The following AHCYL2 variants were observed in gnomAD, a reference collection of about 807,000 sequenced individuals.
The protein encoded by AHCYL2 is adenosylhomocysteinase like 2, also known as S-adenosylhomocysteine hydrolase-like protein 2.
AHCYL2 carries 28 observed loss-of-function variants against 81.4 expected under a neutral mutation model. The observed-to-expected ratio is 0.34, with a 90% CI of 0.25 to 0.47. AHCYL2 has a LOEUF of 0.47. Among genes scored for constraint, AHCYL2 ranks in the 20% least tolerant of loss-of-function variants. The pLI is 1.00. For missense variants in AHCYL2, 551 were observed against 785.1 expected, an observed-to-expected ratio of 0.70 and a Z score of 3.56; for synonymous variants, 272 against 290.2, an observed-to-expected ratio of 0.94 and a Z score of 0.64.
chr7:129,407,308 T>C (rs1027279665), intron 10 of AHCYL2, among the ~76,000 whole-genome samples: 1 of 152,214 alleles, frequency 6.6e-6, no homozygotes, highest in African/African-American at 2.4e-5. Flanking sequence ...GTTGTGATTA[T>C]GCCACTACGC....
chr7:129,225,219 G>C lies in AHCYL2; in HGVS notation c.143G>C (p.Gly48Ala), dbSNP rs1024092909. 4 of 1,526,852 alleles carry C rather than the reference G, an allele frequency of 2.6e-6. No homozygotes were observed. Among genetic ancestry groups the C allele is most frequent in the Non-Finnish European group, 3.5e-6 (4 of 1,143,130 alleles). The allele number at this position is 1,526,852 out of a possible 1,614,324, so 94.6% of individuals were successfully genotyped here. ...GCCATGGCCCCCCCGGCGGGCGGTGGAGACCCTGAGGCTCCAGCTCCCGCC... is the reference window on the plus strand; with the variant it reads ...GCCATGGCCCCCCCGGCGGGCGGTGCAGACCCTGAGGCTCCAGCTCCCGCC... ...VGAMAPPAGG[G>A]DPEAPAPAAE... Residue 48 changes from glycine (G) to alanine (A), a missense_variant, in exon 1 of 17, where the codon GGA becomes GCA. Gly to Ala is a moderately conservative substitution (Grantham distance 60, BLOSUM62 0). This residue lies in a region of AHCYL2 where 235 missense variants were observed against 242.1 expected (regional missense o/e 0.97). Coordinates refer to ENST00000325006, the MANE Select transcript of AHCYL2 (RefSeq NM_015328.4).
Position 129,426,958 on chromosome 7 carries a change from A to G in AHCYL2, c.1830-81A>G. On this transcript the variant is annotated intron_variant, in intron 16 of 16. Coordinates refer to ENST00000325006, the MANE Select transcript of AHCYL2 (RefSeq NM_015328.4). The surrounding 1 kb of genome is among the most constrained non-coding windows in gnomAD (Gnocchi z 4.3). ...CCAGAAAAGTCTCTGCCTCCCTGTT[A>G]CACCTTTAGGCAGGCTCTTCATGTC... The G allele has an allele frequency of 7.0e-7, 1 of 1,431,020 alleles. No individual in the cohort carries two copies. Among genetic ancestry groups the G allele is most frequent in the South Asian group, 1.2e-5 (1 of 84,752 alleles). The allele number at this position is 1,431,020 out of a possible 1,614,324, so 88.6% of individuals were successfully genotyped here. A position where few individuals can be genotyped will look rare whatever the true frequency, so the allele number is the denominator to read the frequency against.
chr7:129,369,296 A>G (rs1187296653), intron 1 of AHCYL2, among the ~76,000 whole-genome samples: 3 of 152,204 alleles, frequency 2.0e-5, no homozygotes, highest in Admixed American at 2.0e-4. Context: ...ACACAGGTTT[A>G]TGTTTACAGA....
chr7:129,246,285 C>T (rs985017686), intron 1 of AHCYL2, among the ~76,000 whole-genome samples: 2 of 152,150 alleles, frequency 1.3e-5, no homozygotes, highest in African/African-American at 2.4e-5. Context: ...CTTGAACTCC[C>T]GACCTAAGGT....
chr7:129,295,280 T>G (rs1797015459), intron 1 of AHCYL2, among the ~76,000 whole-genome samples: 1 of 152,246 alleles, frequency 6.6e-6, no homozygotes, highest in Non-Finnish European at 1.5e-5. Context: ...AATCTGGTTT[T>G]AAAGGATTTA....
intron 1 of AHCYL2, among the ~76,000 whole-genome samples, chr7:129,245,885 T>G (rs928318040): frequency 2.0e-5 from 3 of 152,164 alleles, no homozygotes; most frequent in Non-Finnish European, 4.4e-5. Context: ...AATTGCTGGG[T>G]TATATGGTCA....
At chr7:129,236,051 A>T in intron 1 of AHCYL2, among the ~76,000 whole-genome samples, 1 of 122,534 alleles carries the variant, frequency 8.2e-6, no homozygotes, top group East Asian at 2.4e-4. Context: ...GAGTTTTTTG[A>T]GACTCTGTCA....
intron 2 of AHCYL2, among the ~76,000 whole-genome samples, chr7:129,382,506 A>T (rs1301990505): frequency 2.0e-5 from 3 of 152,306 alleles, no homozygotes; most frequent in Non-Finnish European, 1.5e-5. Context: ...AGTCTGAGGC[A>T]TGAGAATCGC....
chr7:129,341,535 G>A (rs901827602), intron 1 of AHCYL2, among the ~76,000 whole-genome samples: 18 of 152,104 alleles, frequency 1.2e-4, no homozygotes, highest in Non-Finnish European at 2.4e-4. Flanking sequence ...GAACCCCTTC[G>A]TTAGAATTAA....
chr7:129,256,535 G>GCCC (rs1373184612), intron 1 of AHCYL2, among the ~76,000 whole-genome samples: 330 of 55,482 alleles, frequency 5.9e-3, no homozygotes, highest in African/African-American at 0.01. Context: ...CTTGCTTCCC[G>GCCC]CCCCCCACCC....
intron 12 of AHCYL2, 51 bp downstream of exon 12, chr7:129,413,739 A>G (rs986937432): frequency 1.4e-6 from 2 of 1,478,754 alleles, no homozygotes; most frequent in Non-Finnish European, 1.9e-6. Flanking sequence ...CTTCACAAGA[A>G]GCAAACTGGA....
At chr7:129,314,578 G>C (rs948582789) in intron 1 of AHCYL2, among the ~76,000 whole-genome samples, 6 of 152,180 alleles carry the variant, frequency 3.9e-5, no homozygotes, top group African/African-American at 1.4e-4. Flanking sequence ...CCATGTCCTT[G>C]CATAGTGGAA....
rs190843988 is a variant in AHCYL2, at chr7:129,368,626, G to A, written c.364-11012G>A. 1 of 1,553,240 alleles carries A rather than the reference G, an allele frequency of 6.4e-7. No homozygotes were observed. Among genetic ancestry groups the A allele is most frequent in the Non-Finnish European group, 8.9e-7 (1 of 1,125,626 alleles). On this transcript the variant is annotated intron_variant, in intron 1 of 16. Transcript: ENST00000325006. The surrounding 1 kb of genome is among the most constrained non-coding windows in gnomAD (Gnocchi z 4.4). ...GGCAACCATTTCTGACGGGTGACAA[G>A]GATCACCTCTGAGAAGCTCCTACCA... is the stretch of plus-strand genomic sequence containing the variant.
At chr7:129,337,201 AT>A (rs1239126332) in intron 1 of AHCYL2, among the ~76,000 whole-genome samples, 1 of 151,934 alleles carries the variant, frequency 6.6e-6, no homozygotes, top group Non-Finnish European at 1.5e-5. Context: ...CACTATTACT[AT>A]TTTTTTGAGT....
intron 1 of AHCYL2, among the ~76,000 whole-genome samples, chr7:129,300,845 G>GT (rs1797234550): frequency 6.6e-6 from 1 of 152,036 alleles, no homozygotes. Flanking sequence ...GTTTTTCTAT[G>GT]TTTTTTTGAG....
At chr7:129,322,387 G>A (rs759542616) in intron 1 of AHCYL2, among the ~76,000 whole-genome samples, 4 of 152,104 alleles carry the variant, frequency 2.6e-5, no homozygotes, top group Admixed American at 1.3e-4. Flanking sequence ...TGATCTGCCC[G>A]CCTTGGTCTC....
chr7:129,428,016 G>C lies in AHCYL2; in HGVS notation c.*971G>C, dbSNP rs1797430918. 1.3e-5 allele frequency: 2 copies of C among 152,172 alleles called. No homozygotes were observed. The highest frequency in any genetic ancestry group is 1.3e-4 in the Admixed American group (2 of 15,274). 9.4% of individuals were successfully genotyped at this position (152,172 alleles called of 1,614,324 possible). A position where few individuals can be genotyped will look rare whatever the true frequency, so the allele number is the denominator to read the frequency against. On this transcript the variant is annotated 3_prime_UTR_variant, in exon 17 of 17. Transcript: ENST00000325006. ...CAGGGACTTAGGGGGATAGGCTTTG[G>C]AAATGGGACAGGTCTTTCAGACTCA...
At chr7:129,362,917 T>C (rs1793984304) in intron 1 of AHCYL2, among the ~76,000 whole-genome samples, 1 of 152,134 alleles carries the variant, frequency 6.6e-6, no homozygotes, top group Non-Finnish European at 1.5e-5. Context: ...GGGGTTTTTT[T>C]AGCTTTGAGC....
chr7:129,253,137 G>A (rs946579818), intron 1 of AHCYL2, among the ~76,000 whole-genome samples: 4 of 151,338 alleles, frequency 2.6e-5, no homozygotes, highest in African/African-American at 7.3e-5. Context: ...AACCCAGGAG[G>A]TGGAGGTTGC....
Sources: gnomAD v4.1 joint callset for allele counts (sites outside exome capture counted in the v4.1 genomes callset) on GRCh38, gnomAD v4.1.1 for gene constraint, gnomAD v4.1.1 regional missense constraint, Gnocchi (gnomAD v3.1) non-coding constraint, MANE v1.5 for transcripts, NCBI Gene and HGNC (gene_info 2026-07-23, HGNC 2026-07-21) for gene names.